Variants in GRK3 observed in about 807,000 individuals in gnomAD.
GRK3 encodes the protein adrenergic, beta, receptor kinase 2.
A neutral mutation model predicts 95.7 loss-of-function variants in GRK3; 54 were observed. That is an observed-to-expected ratio of 0.56 (90% confidence interval 0.45 to 0.71). The LOEUF is 0.71. Among genes scored for constraint, GRK3 ranks in the 30% least tolerant of loss-of-function variants. The pLI is 0.00. For missense variants in GRK3, 649 were observed against 851.2 expected (o/e 0.76, Z 2.96); for synonymous variants, 281 against 290.8 (o/e 0.97, Z 0.34).
chr22:25,607,356 GT>G (rs528665019), intron 2 of GRK3, among the ~76,000 whole-genome samples: 3,612 of 136,154 alleles, frequency 0.027, 43 homozygotes, highest in East Asian at 0.045. Flanking sequence ...ACTTAAAAAT[GT>G]TTTTTTTTTT....
chr22:25,636,801 T>C (rs2084705120), intron 2 of GRK3, among the ~76,000 whole-genome samples: 1 of 152,218 alleles, frequency 6.6e-6, no homozygotes, highest in South Asian at 2.1e-4. Flanking sequence ...TATATAGAAT[T>C]ACGCAGCATA....
At chr22:25,613,059 G>T (rs1264010562) in intron 2 of GRK3, among the ~76,000 whole-genome samples, 7 of 152,134 alleles carry the variant, frequency 4.6e-5, no homozygotes, top group Admixed American at 2.0e-4. Flanking sequence ...TGCTTGACAT[G>T]TTTAATATCT....
intron 17 of GRK3, among the ~76,000 whole-genome samples, chr22:25,714,035 A>C (rs1210420246): frequency 6.6e-6 from 1 of 152,224 alleles, no homozygotes; most frequent in East Asian, 1.9e-4. Flanking sequence ...CTACCTATAT[A>C]AACAAAATAT....
In GRK3 at chr22:25,714,470, G is replaced by T; in HGVS notation, c.1554G>T (p.Gln518His). The T allele has an allele frequency of 6.2e-7, 1 of 1,613,984 alleles. No homozygotes were observed. Among genetic ancestry groups the T allele is most frequent in the Non-Finnish European group, 8.5e-7 (1 of 1,179,944 alleles). The change falls in exon 18 of 21, where the codon CAG (glutamine) becomes CAT (histidine). Residue 518 changes from glutamine (Q) to histidine (H), a missense_variant. Physicochemically the swap from Gln to His is conservative, Grantham distance 24 (BLOSUM62 0). Coordinates refer to ENST00000324198, the MANE Select transcript of GRK3 (RefSeq NM_005160.4). ...CTTTGGTCATCTCTGAACGCTGGCA[G>T]CAAGAAGTAACGGAAACAGTTTATG... is the stretch of plus-strand genomic sequence containing the variant. Reference protein sequence around the residue: ...NFPLVISERWQQEVTETVYEA... With the variant: ...NFPLVISERWHQEVTETVYEA...
intron 3 of GRK3, among the ~76,000 whole-genome samples, 188 bp downstream of exon 3, chr22:25,644,853 C>T (rs529427648): frequency 1.3e-5 from 2 of 152,072 alleles, no homozygotes; most frequent in Non-Finnish European, 2.9e-5. Context: ...CCATAAAAGT[C>T]GCATTCTTAA....
chr22:25,678,871 T>C lies in GRK3; in HGVS notation c.703T>C (p.Leu235=). 6.2e-7 allele frequency: 1 copy of C among 1,609,192 alleles called. No homozygotes were observed. The highest frequency in any genetic ancestry group is 8.5e-7 in the Non-Finnish European group (1 of 1,176,986). Residue 235 remains leucine, a synonymous_variant, in exon 9 of 21, where the codon TTA becomes CTA. Coordinates refer to ENST00000324198, the MANE Select transcript of GRK3 (RefSeq NM_005160.4). The stretch of plus-strand genomic sequence containing the variant: ...GATCAAAATGAAACAAGGAGAAACA[T>C]TAGCCTTAAATGAAAGAATCATGTT... ...KRIKMKQGET[L]ALNERIMLSL...
chr22:25,646,219 A>C (rs139947514), intron 3 of GRK3, among the ~76,000 whole-genome samples: 2 of 152,350 alleles, frequency 1.3e-5, no homozygotes, highest in East Asian at 3.9e-4. Context: ...GTTAGCAGAC[A>C]ATAACTTTAA....
At chr22:25,618,521 A>G (rs1284164605) in intron 2 of GRK3, among the ~76,000 whole-genome samples, 2 of 152,188 alleles carry the variant, frequency 1.3e-5, no homozygotes, top group Non-Finnish European at 2.9e-5. Flanking sequence ...TGCTTTTTAA[A>G]CCCAGACTAA....
chr22:25,568,808 A>C (rs1276034399), intron 1 of GRK3, among the ~76,000 whole-genome samples: 2 of 152,266 alleles, frequency 1.3e-5, no homozygotes, highest in African/African-American at 4.8e-5. Flanking sequence ...CATAGAATAT[A>C]GAATAATAAA....
chr22:25,622,746 G>A (rs2084596193), intron 2 of GRK3, among the ~76,000 whole-genome samples: 2 of 152,186 alleles, frequency 1.3e-5, no homozygotes, highest in Non-Finnish European at 2.9e-5. Flanking sequence ...TCGCATTTAG[G>A]AAGTCGCCAA....
intron 18 of GRK3, 24 bp from the exon 19 acceptor site, chr22:25,718,221 T>C: frequency 6.2e-7 from 1 of 1,608,726 alleles, no homozygotes; most frequent in Non-Finnish European, 8.5e-7. Context: ...CCTATTTAAC[T>C]CCTAGTGATT....
At chr22:25,684,398 C>G (rs2085097543) in intron 9 of GRK3, 1 of 152,208 alleles carries the variant, frequency 6.6e-6, no homozygotes, top group Non-Finnish European at 1.5e-5. Flanking sequence ...ATTAAGATTG[C>G]ATGGCATCTA....
At chr22:25,721,255 G>A in intron 19 of GRK3, 29 bp from the exon 20 acceptor site, 1 of 1,264,304 alleles carries the variant, frequency 7.9e-7, no homozygotes, top group Non-Finnish European at 1.1e-6. Flanking sequence ...AAAATAATTT[G>A]AATTTTAAAT....
intron 1 of GRK3, among the ~76,000 whole-genome samples, chr22:25,590,714 G>A (rs2146327310): frequency 6.6e-6 from 1 of 152,192 alleles, no homozygotes; most frequent in Middle Eastern, 3.4e-3. Context: ...CCAGCTACTC[G>A]AGAGGCTGAG....
At chr22:25,565,532 G>GGC in intron 1 of GRK3, among the ~76,000 whole-genome samples, 1 of 150,838 alleles carries the variant, frequency 6.6e-6, no homozygotes, top group African/African-American at 2.4e-5. Flanking sequence ...AGTCCCCGTT[G>GGC]GCTCCTTGCC....
chr22:25,719,191 G>T (rs913513799), intron 19 of GRK3, among the ~76,000 whole-genome samples: 5 of 149,382 alleles, frequency 3.3e-5, no homozygotes, highest in Admixed American at 3.3e-4. Flanking sequence ...GAGGTCAAGT[G>T]CTGTTAAAAA....
intron 2 of GRK3, among the ~76,000 whole-genome samples, chr22:25,625,508 GAA>G (rs1344688318): frequency 6.6e-6 from 1 of 152,152 alleles, no homozygotes; most frequent in Non-Finnish European, 1.5e-5. Flanking sequence ...TAGCGGCAGC[GAA>G]AAGTGTCAAG....
intron 1 of GRK3, among the ~76,000 whole-genome samples, chr22:25,599,953 A>T (rs1175063613): frequency 1.3e-5 from 2 of 152,168 alleles, no homozygotes; most frequent in African/African-American, 2.4e-5. Flanking sequence ...GGCAGTTTTT[A>T]AAAAAGTCAT....
intron 6 of GRK3, 110 bp from the exon 7 acceptor site, chr22:25,672,182 CTTTA>C (rs1178341576): frequency 1.8e-6 from 1 of 563,542 alleles, no homozygotes; most frequent in African/African-American, 1.9e-5. Flanking sequence ...GAAAACTTAA[CTTTA>C]TTTGACAAGC....
Sources: gnomAD v4.1 joint callset for allele counts (sites outside exome capture counted in the v4.1 genomes callset) on GRCh38, gnomAD v4.1.1 for gene constraint, MANE v1.5 for transcripts, NCBI Gene and HGNC (gene_info 2026-07-23, HGNC 2026-07-21) for gene names.